RORA: variants seen among roughly 807,000 people sequenced by gnomAD.
RORA encodes nuclear receptor ROR-alpha.
In RORA, 7 loss-of-function variants were observed where a neutral mutation model predicts 69.5. The ratio of observed to expected loss-of-function variants is 0.10; its 90% CI spans 0.06 to 0.19. The LOEUF is 0.19. Ranked by LOEUF, RORA falls within the 10% of genes least tolerant of loss-of-function variation. RORA has a pLI of 1.00. For missense variants in RORA, 457 were observed against 663.0 expected (o/e 0.69, Z 3.41); for synonymous variants, 261 against 240.8 (o/e 1.08, Z -0.78).
Position 61,061,732 on chromosome 15 carries a change from C to T in RORA, c.166+167321G>A, listed in dbSNP as rs560257167. On this transcript the variant is annotated intron_variant, in intron 1 of 10. Coordinates refer to ENST00000335670, the MANE Select transcript of RORA (RefSeq NM_134261.3). The surrounding 1 kb of genome is among the most constrained non-coding windows in gnomAD (Gnocchi z 4.4). ...TCTCTAGAGACAGGGTGTTAAGCAT[C>T]ACTGCATCACCACTTTGCATATAGG... Among the ~76,000 whole-genome samples, 5 of 152,204 alleles carry T rather than the reference C, an allele frequency of 3.3e-5. No individual in the cohort carries two copies. The South Asian group carries it at 8.3e-4, about 25-fold the overall frequency.
chr15:60,532,281 A>G (rs1218254484), intron 2 of RORA, among the ~76,000 whole-genome samples: 1 of 152,078 alleles, frequency 6.6e-6, no homozygotes, highest in Non-Finnish European at 1.5e-5. Flanking sequence ...CTAAAAAGTC[A>G]GGTCTAGTTA....
chr15:60,671,426 A>G (rs1333608131), intron 2 of RORA, among the ~76,000 whole-genome samples: 2 of 152,052 alleles, frequency 1.3e-5, no homozygotes, highest in African/African-American at 2.4e-5. Context: ...TTAAGTAGAC[A>G]TCAGTTCTTT....
At chr15:60,630,332 A>G (rs2069706085) in intron 2 of RORA, 1 of 152,240 alleles carries the variant, frequency 6.6e-6, no homozygotes, top group African/African-American at 2.4e-5. Context: ...TGGCAAAGAA[A>G]CTCAGACTCC....
intron 1 of RORA, among the ~76,000 whole-genome samples, chr15:61,116,631 A>G (rs949230021): frequency 6.6e-6 from 1 of 152,226 alleles, no homozygotes; most frequent in Non-Finnish European, 1.5e-5. Context: ...TGATATGCTC[A>G]TTTTACGGAG....
intron 1 of RORA, among the ~76,000 whole-genome samples, chr15:60,857,315 G>C (rs2073390692): frequency 6.6e-6 from 1 of 152,054 alleles, no homozygotes; most frequent in Non-Finnish European, 1.5e-5. Context: ...GAACCCCAGG[G>C]GGAGCTACCC....
At chr15:60,697,435 C>G (rs1241611614) in intron 1 of RORA, among the ~76,000 whole-genome samples, 1 of 152,306 alleles carries the variant, frequency 6.6e-6, no homozygotes, top group African/African-American at 2.4e-5. Flanking sequence ...CAGCCAAAAC[C>G]CTAAACACAA....
intron 1 of RORA, among the ~76,000 whole-genome samples, chr15:61,185,781 C>G (rs184050778): frequency 2.0e-3 from 311 of 152,294 alleles, no homozygotes; most frequent in Admixed American, 3.7e-3. Context: ...CTCATCTCTT[C>G]CCCATGGCTC....
chr15:60,541,335 C>T (rs886108954), intron 2 of RORA, among the ~76,000 whole-genome samples: 2 of 152,120 alleles, frequency 1.3e-5, no homozygotes, highest in Non-Finnish European at 2.9e-5. Flanking sequence ...AAAAAATTCT[C>T]TTTTGTAATG....
chr15:60,979,730 A>ATGTGTG (rs35877636), intron 1 of RORA, among the ~76,000 whole-genome samples: 12 of 149,644 alleles, frequency 8.0e-5, no homozygotes, highest in South Asian at 2.1e-4. Flanking sequence ...GTGTGTATGT[A>ATGTGTG]TGTGTGTGTG....
At chr15:61,082,551 C>T (rs1360491077) in intron 1 of RORA, among the ~76,000 whole-genome samples, 1 of 152,154 alleles carries the variant, frequency 6.6e-6, no homozygotes, top group East Asian at 1.9e-4. Flanking sequence ...GCAAAACCTG[C>T]CCCTACAGAG....
intron 1 of RORA, among the ~76,000 whole-genome samples, chr15:61,069,614 C>T (rs963596923): frequency 5.3e-5 from 8 of 151,928 alleles, no homozygotes; most frequent in Admixed American, 2.6e-4. Flanking sequence ...CAAAACCCCA[C>T]GGACCCAGTT....
At chr15:60,569,065 A>T (rs1441643947) in intron 2 of RORA, among the ~76,000 whole-genome samples, 7 of 151,884 alleles carry the variant, frequency 4.6e-5, no homozygotes, top group Admixed American at 4.6e-4. Flanking sequence ...ATCTTCTGGC[A>T]TTTAGAATCT....
At chr15:60,764,439 TG>T (rs1277496858) in intron 1 of RORA, among the ~76,000 whole-genome samples, 1 of 152,106 alleles carries the variant, frequency 6.6e-6, no homozygotes, top group Non-Finnish European at 1.5e-5. Context: ...ATTCTGTAAA[TG>T]GGGCTCTGGA....
intron 1 of RORA, among the ~76,000 whole-genome samples, chr15:61,145,211 T>A (rs2079335919): frequency 6.6e-6 from 1 of 152,236 alleles, no homozygotes; most frequent in African/African-American, 2.4e-5. Flanking sequence ...TCAACTCAAA[T>A]CCTGGCAGTT....
intron 1 of RORA, among the ~76,000 whole-genome samples, chr15:60,886,983 T>G (rs1189985361): frequency 6.6e-6 from 1 of 152,200 alleles, no homozygotes; most frequent in Non-Finnish European, 1.5e-5. Flanking sequence ...TCTGTGACTA[T>G]CTCTCTTGTG....
chr15:60,814,621 C>G (rs1039081519), intron 1 of RORA, among the ~76,000 whole-genome samples: 1 of 152,142 alleles, frequency 6.6e-6, no homozygotes, highest in African/African-American at 2.4e-5. Flanking sequence ...CCAGTGGATG[C>G]TGAGGAATTG....
At chr15:60,757,481 C>T (rs1261709730) in intron 1 of RORA, among the ~76,000 whole-genome samples, 1 of 152,166 alleles carries the variant, frequency 6.6e-6, no homozygotes, top group Non-Finnish European at 1.5e-5. Context: ...ACTAGCTGTT[C>T]TTCTGCCTAG....
At chr15:60,499,052 G>A (rs1595863535) in intron 10 of RORA, among the ~76,000 whole-genome samples, 2 of 152,268 alleles carry the variant, frequency 1.3e-5, no homozygotes, top group East Asian at 3.9e-4. Context: ...CATATTTATT[G>A]TGAAAGATAA....
chr15:60,846,858 G>C (rs1156758111), intron 1 of RORA, among the ~76,000 whole-genome samples: 1 of 152,054 alleles, frequency 6.6e-6, no homozygotes, highest in Non-Finnish European at 1.5e-5. Context: ...TCACATACTA[G>C]ACTTTATGCA....
Sources: allele counts gnomAD v4.1 joint callset (sites outside exome capture counted in the v4.1 genomes callset), GRCh38; gene constraint gnomAD v4.1.1; non-coding constraint Gnocchi (gnomAD v3.1); transcripts MANE v1.5; gene names NCBI Gene and HGNC (gene_info 2026-07-23, HGNC 2026-07-21).